C2orf76: variants seen among roughly 807,000 people sequenced by gnomAD.
C2orf76 encodes the protein UPF0538 protein C2orf76.
C2orf76 carries 23 observed loss-of-function variants against 16.9 expected under a neutral mutation model. That is an observed-to-expected ratio of 1.36 (90% CI 0.98 to 1.93). C2orf76 has a LOEUF of 1.93. Among genes scored for constraint, C2orf76 ranks in the 30% most tolerant of loss-of-function variants. The pLI is 0.00. For missense variants in C2orf76, 152 were observed against 152.6 expected, an observed-to-expected ratio of 1.00 and a Z score of 0.02; for synonymous variants, 48 against 52.3, an observed-to-expected ratio of 0.92 and a Z score of 0.35.
At chr2:119,282,468 G>A in the C2orf76 span, among the ~76,000 whole-genome samples, 1 of 152,146 alleles carries the variant, frequency 6.6e-6, no homozygotes, top group East Asian at 1.9e-4. Flanking sequence ...GTTCTCTTTC[G>A]CAGGCAGAGC....
At chr2:119,291,043 G>A in the C2orf76 span, among the ~76,000 whole-genome samples, 1 of 151,874 alleles carries the variant, frequency 6.6e-6, no homozygotes, top group Non-Finnish European at 1.5e-5. Flanking sequence ...CCCAGGCCCA[G>A]ACAGACTCTG....
chr2:119,340,498 T>G (rs537515366), intron 1 of C2orf76: 1 of 152,630 alleles, frequency 6.6e-6, no homozygotes, highest in African/African-American at 2.4e-5. Flanking sequence ...AAGCTGAGTA[T>G]GTATAGTTCA....
At chr2:119,311,088 T>C (rs2104546064) in intron 5 of C2orf76, 1 of 877,680 alleles carries the variant, frequency 1.1e-6, no homozygotes. Context: ...CACATAACAT[T>C]TATTTAGAAT....
intron 1 of C2orf76, among the ~76,000 whole-genome samples, chr2:119,360,362 A>G (rs916040495): frequency 5.3e-5 from 8 of 151,458 alleles, no homozygotes; most frequent in Admixed American, 2.6e-4. Flanking sequence ...CTGCAATCCC[A>G]GCTATTCAGG....
At chr2:119,349,765 G>T (rs908443803) in intron 1 of C2orf76, among the ~76,000 whole-genome samples, 1 of 151,988 alleles carries the variant, frequency 6.6e-6, no homozygotes, top group Non-Finnish European at 1.5e-5. Flanking sequence ...TGAGCCATGG[G>T]CCCCCTCTGT....
At position 119,302,540 on chromosome 2, in the gene C2orf76, T is replaced by A. The variant is rs762501853; in HGVS notation, c.313A>T (p.Thr105Ser). 8 of 1,489,400 alleles carry A rather than the reference T, an allele frequency of 5.4e-6. No homozygotes were observed. The highest frequency in any genetic ancestry group is 7.3e-6 in the Non-Finnish European group (8 of 1,101,872). The allele number at this position is 1,489,400 out of a possible 1,614,324, so 92.3% of individuals were successfully genotyped here. A position where few individuals can be genotyped will look rare whatever the true frequency, so the allele number is the denominator to read the frequency against. The change falls in exon 6 of 6, where the codon ACT (threonine) becomes TCT (serine). Residue 105 changes from threonine (T) to serine (S), a missense_variant. Thr to Ser is a moderately conservative substitution (Grantham distance 58). Coordinates refer to ENST00000334816, the MANE Select transcript of C2orf76 (RefSeq NM_001322331.2). ...TLKAAGIASE[T>S]EIAFFCEEDY... ...TCTTCACAGAAGAATGCAATTTCAG[T>A]TTCACTGGCTGAAAAAAAACAGAAA...
chr2:119,305,254 A>G (rs777037983), intron 5 of C2orf76, among the ~76,000 whole-genome samples: 5 of 152,222 alleles, frequency 3.3e-5, no homozygotes, highest in Non-Finnish European at 7.3e-5. Context: ...AACTTTGGAT[A>G]TAAAATTAAT....
At chr2:119,301,075 A>AC (rs1177954952), downstream of C2orf76, among the ~76,000 whole-genome samples, 19 of 106,624 alleles carry the variant, frequency 1.8e-4, no homozygotes, top group South Asian at 8.9e-4. Flanking sequence ...TACTTCTTAA[A>AC]AACACACACA....
chr2:119,330,343 C>T (rs548397091), intron 2 of C2orf76, among the ~76,000 whole-genome samples: 1 of 136,838 alleles, frequency 7.3e-6, no homozygotes, highest in Admixed American at 7.2e-5. Context: ...TGCCACTGCA[C>T]TCTCCATCTC....
intron 5 of C2orf76, among the ~76,000 whole-genome samples, chr2:119,307,258 G>A (rs1678819808): frequency 7.0e-6 from 1 of 143,526 alleles, no homozygotes; most frequent in Non-Finnish European, 1.6e-5. Flanking sequence ...TGGCCAACGT[G>A]GTGAAACCCC....
chr2:119,288,381 T>A, the C2orf76 span, among the ~76,000 whole-genome samples: 3 of 151,908 alleles, frequency 2.0e-5, no homozygotes, highest in African/African-American at 7.2e-5. Context: ...CCTGACCTCG[T>A]GATCCACCCA....
chr2:119,321,295 A>C, intron 2 of C2orf76, 91 bp from the exon 3 acceptor site: 1 of 727,636 alleles, frequency 1.4e-6, no homozygotes, highest in East Asian at 2.9e-5. Flanking sequence ...TTCTATCTAC[A>C]GACTAAGTTA....
At chr2:119,344,837 G>A (rs1232978700) in intron 1 of C2orf76, among the ~76,000 whole-genome samples, 1 of 152,180 alleles carries the variant, frequency 6.6e-6, no homozygotes, top group East Asian at 1.9e-4. Context: ...GGACAAATCT[G>A]TGAAATCTAA....
chr2:119,281,821 C>G, the C2orf76 span, among the ~76,000 whole-genome samples: 16 of 152,142 alleles, frequency 1.1e-4, no homozygotes, highest in African/African-American at 3.9e-4. Context: ...GTCTTAAGGA[C>G]GTTGCCATCA....
downstream of C2orf76, among the ~76,000 whole-genome samples, chr2:119,299,200 A>G (rs1345133): frequency 0.71 from 108,368 of 152,054 alleles, 39,609 homozygotes; most frequent in African/African-American, 0.89. Context: ...TTACAGGCCT[A>G]AGCCAATGCA....
chr2:119,351,891 C>T (rs1403389983), intron 1 of C2orf76, among the ~76,000 whole-genome samples: 2 of 152,110 alleles, frequency 1.3e-5, no homozygotes, highest in South Asian at 2.1e-4. Flanking sequence ...TTTGGGGTTA[C>T]AAATAAATGT....
chr2:119,287,518 GTT>G, the C2orf76 span, among the ~76,000 whole-genome samples: 4,731 of 148,502 alleles, frequency 0.032, 89 homozygotes, highest in South Asian at 0.084. Flanking sequence ...CTAATAACAT[GTT>G]TTTTTTTTTA....
intron 1 of C2orf76, among the ~76,000 whole-genome samples, chr2:119,341,252 T>C (rs1680020901): frequency 6.6e-6 from 1 of 152,188 alleles, no homozygotes; most frequent in African/African-American, 2.4e-5. Context: ...CAAGTGATCC[T>C]CCTGCCTTGG....
At chr2:119,348,858 A>G (rs1403228472) in intron 1 of C2orf76, among the ~76,000 whole-genome samples, 1 of 152,122 alleles carries the variant, frequency 6.6e-6, no homozygotes, top group Non-Finnish European at 1.5e-5. Context: ...TTAGCCCGGC[A>G]TGGTGGCGTA....
Sources: allele counts gnomAD v4.1 joint callset (sites outside exome capture counted in the v4.1 genomes callset), GRCh38; gene constraint gnomAD v4.1.1; transcripts MANE v1.5; gene names NCBI Gene and HGNC (gene_info 2026-07-23, HGNC 2026-07-21).